Variants in ZHX2 observed in about 807,000 individuals in gnomAD.
ZHX2 encodes zinc fingers and homeoboxes 2, also known as zinc fingers and homeoboxes protein 2.
In ZHX2, 6 loss-of-function variants were observed where a neutral mutation model predicts 21.9. That is an observed-to-expected ratio of 0.27 (90% CI 0.15 to 0.54). The LOEUF (loss-of-function observed/expected upper bound fraction) is 0.54, where lower values mean the gene tolerates loss of function less well. Among genes scored for constraint, ZHX2 ranks in the 20% least tolerant of loss-of-function variants. ZHX2 has a pLI of 0.95. For missense variants in ZHX2, 908 were observed against 1,090.7 expected (o/e 0.83, Z 2.36); for synonymous variants, 434 against 437.1 (o/e 0.99, Z 0.09).
intron 2 of ZHX2, among the ~76,000 whole-genome samples, chr8:122,928,281 C>G (rs528892775): frequency 1.3e-5 from 2 of 152,312 alleles, no homozygotes; most frequent in Admixed American, 1.3e-4. Context: ...AGAATATTGG[C>G]TTATCGGGGA....
intron 1 of ZHX2, among the ~76,000 whole-genome samples, chr8:122,850,639 CAAAAAAAAA>C (rs60682747): frequency 1.8e-5 from 2 of 114,188 alleles, no homozygotes; most frequent in Non-Finnish European, 3.6e-5. Flanking sequence ...GACTCTGTCT[CAAAAAAAAA>C]AAAAAAAAAA....
At chr8:122,874,213 C>T (rs1325231308) in intron 2 of ZHX2, among the ~76,000 whole-genome samples, 3 of 152,130 alleles carry the variant, frequency 2.0e-5, no homozygotes, top group African/African-American at 4.8e-5. Context: ...ATAAAATATT[C>T]ACAGGTTCCA....
chr8:122,863,473 G>C lies in ZHX2; in HGVS notation c.-282-4G>C, dbSNP rs1392807174. On this transcript the variant is annotated splice_region_variant and splice_polypyrimidine_tract_variant and intron_variant, in intron 1 of 3. Coordinates refer to ENST00000314393, the MANE Select transcript of ZHX2 (RefSeq NM_014943.5). The stretch of plus-strand genomic sequence containing the variant: ...TTTTGATACTGAGTTTCTGTCCCCT[G>C]TAGGTCTGGATGTACCGACTGCTTT... 1 of 152,646 alleles carries C rather than the reference G, an allele frequency of 6.6e-6. No homozygotes were observed. The highest frequency in any genetic ancestry group is 6.5e-5 in the Admixed American group (1 of 15,276). 9.5% of individuals were successfully genotyped at this position (152,646 alleles called of 1,614,324 possible).
At chr8:122,921,861 T>C (rs1486841039) in intron 2 of ZHX2, among the ~76,000 whole-genome samples, 1 of 152,072 alleles carries the variant, frequency 6.6e-6, no homozygotes, top group Non-Finnish European at 1.5e-5. Context: ...AAAAAAGAGA[T>C]GAGTCGATGT....
intron 1 of ZHX2, among the ~76,000 whole-genome samples, chr8:122,840,385 G>A (rs1015157864): frequency 2.6e-5 from 4 of 152,064 alleles, no homozygotes; most frequent in Non-Finnish European, 5.9e-5. Flanking sequence ...TCTCCCACTC[G>A]CCAGTCCCTG....
chr8:122,938,735 G>A (rs1235981752), intron 2 of ZHX2, among the ~76,000 whole-genome samples: 1 of 152,060 alleles, frequency 6.6e-6, no homozygotes, highest in Admixed American at 6.5e-5. Flanking sequence ...CTACTCGGGA[G>A]GCTGAGGCAT....
At chr8:122,853,798 AG>A (rs1157213650) in intron 1 of ZHX2, among the ~76,000 whole-genome samples, 1 of 151,618 alleles carries the variant, frequency 6.6e-6, no homozygotes, top group African/African-American at 2.4e-5. Context: ...CACCCCTCCC[AG>A]GGCACCTGCA....
chr8:122,832,885 T>C (rs1395859720), intron 1 of ZHX2, among the ~76,000 whole-genome samples: 1 of 152,014 alleles, frequency 6.6e-6, no homozygotes, highest in Non-Finnish European at 1.5e-5. Context: ...AAAGAGATAG[T>C]ATGGGCGTTG....
intron 1 of ZHX2, among the ~76,000 whole-genome samples, chr8:122,821,387 G>A (rs1396835678): frequency 6.6e-6 from 1 of 152,154 alleles, no homozygotes; most frequent in Non-Finnish European, 1.5e-5. Flanking sequence ...GCTATAGTAA[G>A]GGCTTATCTC....
At chr8:122,804,404 C>T (rs1353683976) in intron 1 of ZHX2, among the ~76,000 whole-genome samples, 2 of 152,198 alleles carry the variant, frequency 1.3e-5, no homozygotes, top group African/African-American at 4.8e-5. Context: ...CCACCACGCC[C>T]GGCCCCATTT....
At chr8:122,930,554 G>T (rs893193758) in intron 2 of ZHX2, among the ~76,000 whole-genome samples, 1 of 111,460 alleles carries the variant, frequency 9.0e-6, no homozygotes, top group Non-Finnish European at 1.8e-5. Context: ...TGTCCTGAGA[G>T]AATTTTTTTT....
rs568280038 is a variant in ZHX2, at chr8:122,888,919, G to A, written c.-220+25380G>A. 2.3e-4 allele frequency among the ~76,000 whole-genome samples: 35 copies of A among 152,162 alleles called. No individual in the cohort carries two copies. The South Asian group carries it at 3.9e-3, about 17-fold the overall frequency. ...TCTTTTCTACCCTTCCCAACCTATA[G>A]TAACCACTCTTCTACTCTCTACTTG... On this transcript the variant is annotated intron_variant, in intron 2 of 3. Coordinates refer to ENST00000314393, the MANE Select transcript of ZHX2 (RefSeq NM_014943.5).
intron 2 of ZHX2, among the ~76,000 whole-genome samples, chr8:122,946,157 A>G (rs1812970669): frequency 6.6e-6 from 1 of 152,002 alleles, no homozygotes; most frequent in Non-Finnish European, 1.5e-5. Context: ...ATTTTTGCCA[A>G]CTTTGACCCA....
At chr8:122,908,694 A>G (rs1312535607) in intron 2 of ZHX2, among the ~76,000 whole-genome samples, 5 of 152,196 alleles carry the variant, frequency 3.3e-5, no homozygotes, top group Non-Finnish European at 5.9e-5. Flanking sequence ...CAGGCATCAG[A>G]GACAGGCTCC....
At chr8:122,934,045 A>T (rs1422130712) in intron 2 of ZHX2, among the ~76,000 whole-genome samples, 5 of 152,210 alleles carry the variant, frequency 3.3e-5, no homozygotes, top group African/African-American at 1.2e-4. Flanking sequence ...CCCTCAAGTC[A>T]TCATAAACAT....
rs140174549 is a variant in ZHX2 at position 122,787,901 on chromosome 8, C to T, written c.-283+5955C>T. Among the ~76,000 whole-genome samples the T allele has an allele frequency of 3.9e-3, 587 of 152,300 alleles. 5 individuals are homozygous for T. The highest frequency in any genetic ancestry group is 0.013 in the African/African-American group (561 of 41,556). On this transcript the variant is annotated intron_variant, in intron 1 of 3. Coordinates refer to ENST00000314393, the MANE Select transcript of ZHX2 (RefSeq NM_014943.5). ...GGAAGTGGCAGGCACTCATGCATGCCTGCATATGCTGTGCAGAGGTGACCG... is the reference window on the plus strand; with the variant it reads ...GGAAGTGGCAGGCACTCATGCATGCTTGCATATGCTGTGCAGAGGTGACCG...
intron 2 of ZHX2, among the ~76,000 whole-genome samples, chr8:122,870,469 A>G (rs1819403695): frequency 6.6e-6 from 1 of 151,548 alleles, no homozygotes; most frequent in Non-Finnish European, 1.5e-5. Flanking sequence ...ATCTCCACTA[A>G]AAATTAAAAA....
chr8:122,958,669 C>T (rs1813366382), intron 3 of ZHX2, among the ~76,000 whole-genome samples: 1 of 152,240 alleles, frequency 6.6e-6, no homozygotes, highest in African/African-American at 2.4e-5. Flanking sequence ...TTGGAGGCCA[C>T]CTCTCAACTG....
chr8:122,874,218 G>A (rs1819512522), intron 2 of ZHX2, among the ~76,000 whole-genome samples: 1 of 152,090 alleles, frequency 6.6e-6, no homozygotes, highest in Non-Finnish European at 1.5e-5. Flanking sequence ...ATATTCACAG[G>A]TTCCAGGGAT....
Sources: allele counts gnomAD v4.1 joint callset (sites outside exome capture counted in the v4.1 genomes callset), GRCh38; gene constraint gnomAD v4.1.1; transcripts MANE v1.5; gene names NCBI Gene and HGNC (gene_info 2026-07-23, HGNC 2026-07-21).